The following RNF123 variants were observed in gnomAD, a reference collection of about 807,000 sequenced individuals.
RNF123 encodes the protein ring finger protein 123, also known as E3 ubiquitin-protein ligase RNF123.
Under a neutral mutation model 168.5 loss-of-function variants are expected in RNF123, and 86 were observed. The observed-to-expected ratio is 0.51, with a 90% confidence interval of 0.43 to 0.61. The LOEUF is 0.61. Ranked by LOEUF, RNF123 falls within the 20% of genes least tolerant of loss-of-function variation. RNF123 has a pLI of 0.00. For synonymous variants in RNF123, 666 were observed against 689.1 expected (o/e 0.97, Z 0.52); for missense variants, 1,419 against 1,729.7 (o/e 0.82, Z 3.19).
Position 49,713,405 on chromosome 3 carries a change from TTGGGAG to T in RNF123, c.2675-107_2675-102del. 4 of 1,104,672 alleles carry T rather than the reference TTGGGAG, an allele frequency of 3.6e-6. No homozygotes were observed. In the South Asian group the frequency reaches 4.2e-5, roughly 12 times the overall value. 68.4% of individuals were successfully genotyped at this position (1,104,672 alleles called of 1,614,324 possible). On this transcript the variant is annotated intron_variant, in intron 27 of 38. Transcript: ENST00000327697. ...ATGCCACCCTGGGTCCAGGCTGGCC[TTGGGAG>T]CCAGCTCTAGAGCCTGCTACCCAAG...
Position 49,700,316 on chromosome 3 carries a change from G to A in RNF123, c.1074G>A (p.Val358=). 6.2e-7 allele frequency: 1 copy of A among 1,614,236 alleles called. No homozygotes were observed. Among genetic ancestry groups the A allele is most frequent in the Non-Finnish European group, 8.5e-7 (1 of 1,180,036 alleles). The part of the protein sequence containing the change: ...KGTPTQAQSV[V]HQVLDLLWLF... Reference sequence around the variant, plus strand: ...CACCCACACAGGCACAGTCCGTGGTGCACCAGGTCCTGGACCTCTTGTGGC... The same window carrying A: ...CACCCACACAGGCACAGTCCGTGGTACACCAGGTCCTGGACCTCTTGTGGC... The change falls in exon 13 of 39, where the codon GTG becomes GTA. Residue 358 remains valine, a synonymous_variant. Transcript: ENST00000327697.
intron 7 of RNF123, 59 bp downstream of exon 7, chr3:49,698,196 C>T (rs909707665): frequency 4.1e-6 from 6 of 1,449,270 alleles, no homozygotes; most frequent in Non-Finnish European, 5.8e-6. Flanking sequence ...CTGCCACAGG[C>T]CTCATCAGGT....
Position 49,721,324 on chromosome 3 carries a change from T to C in RNF123, c.*19T>C. The C allele has an allele frequency of 1.2e-6, 2 of 1,614,108 alleles. No homozygotes were observed. The highest frequency in any genetic ancestry group is 1.7e-6 in the Non-Finnish European group (2 of 1,180,012). The stretch of plus-strand genomic sequence containing the variant: ...TGCCTAGCCCTCACAGCCTGTGCCA[T>C]CCTGGAACCTCCACCTTTGAACCCA... On this transcript the variant is annotated 3_prime_UTR_variant, in exon 39 of 39. Transcript: ENST00000327697.
rs1259721335 is a variant in RNF123 at position 49,704,727 on chromosome 3, G to A, written c.1930G>A (p.Asp644Asn). The stretch of plus-strand genomic sequence containing the variant: ...AACCGCCATGGATGACCTAGATGAG[G>A]ATGAGGAGCCAGCCCCAGCTATGGC... ...QSTAMDDLDE[D>N]EEPAPAMAQR... Residue 644 changes from aspartate to asparagine, a missense_variant, in exon 22 of 39, where the codon GAT becomes AAT. By Grantham distance (23) the Asp-to-Asn change is conservative. Transcript: ENST00000327697. 6.3e-7 allele frequency: 1 copy of A among 1,591,478 alleles called. No homozygotes were observed. Among genetic ancestry groups the A allele is most frequent in the African/African-American group, 1.3e-5 (1 of 74,816 alleles).
chr3:49,698,459 A>G lies in RNF123; in HGVS notation c.503A>G (p.His168Arg), dbSNP rs1357975666. The change falls in exon 8 of 39, where the codon CAC (histidine) becomes CGC (arginine). Residue 168 changes from histidine (H) to arginine (R), a missense_variant. Transcript: ENST00000327697. ...CCCTAGGAGGGGGTTGGAGATACAC[A>G]CAACTCCTATGCCTATGATGGCAAC... is the stretch of plus-strand genomic sequence containing the variant. ...FNQEEGVGDTHNSYAYDGNRV... is the reference protein window; with the variant it reads ...FNQEEGVGDTRNSYAYDGNRV... 1 of 1,613,744 alleles carries G rather than the reference A, an allele frequency of 6.2e-7. No individual in the cohort carries two copies. Among genetic ancestry groups the G allele is most frequent in the African/African-American group, 1.3e-5 (1 of 74,914 alleles).
intron 31 of RNF123, 146 bp from the exon 32 acceptor site, chr3:49,715,429 C>T (rs2080219053): frequency 1.0e-6 from 1 of 952,460 alleles, no homozygotes; most frequent in Admixed American, 2.5e-5. Context: ...CAGCTGTCCT[C>T]TGTCCCCTGC....
At chr3:49,720,724 A>AGTC in intron 36 of RNF123, 71 bp downstream of exon 36, 1 of 1,606,204 alleles carries the variant, frequency 6.2e-7, no homozygotes, top group East Asian at 2.2e-5. Flanking sequence ...AGAACAGCAA[A>AGTC]GTCCTAGGCT....
intron 5 of RNF123, among the ~76,000 whole-genome samples, 197 bp from the exon 6 acceptor site, chr3:49,697,688 C>T (rs1042027421): frequency 1.3e-5 from 2 of 152,206 alleles, no homozygotes; most frequent in African/African-American, 4.8e-5. Context: ...GCCCTGAGTC[C>T]CTCTCTCATC....
chr3:49,707,240 C>G (rs1225183040), intron 26 of RNF123, among the ~76,000 whole-genome samples: 1 of 151,406 alleles, frequency 6.6e-6, no homozygotes, highest in Non-Finnish European at 1.5e-5. Flanking sequence ...TTCCCGGAGG[C>G]ACACTCCACC....
In RNF123 at chr3:49,699,549, C is replaced by G. The variant is rs1439852102; in HGVS notation, c.846C>G (p.Phe282Leu). The G allele has an allele frequency of 6.2e-7, 1 of 1,613,192 alleles. No homozygotes were observed. Among genetic ancestry groups the G allele is most frequent in the Non-Finnish European group, 8.5e-7 (1 of 1,179,766 alleles). The change falls in exon 11 of 39, where the codon TTC becomes TTG. Residue 282 changes from phenylalanine (F) to leucine (L), a missense_variant. Phe to Leu is a conservative substitution (Grantham distance 22, BLOSUM62 0). This residue lies in a region of RNF123 where 318 missense variants were observed against 446.6 expected (regional missense o/e 0.71). Coordinates refer to ENST00000327697, the MANE Select transcript of RNF123 (RefSeq NM_022064.5). This position sits in a 1 kb window ranked among gnomAD's most constrained non-coding sequence, Gnocchi z 4.8. ...LVRAQRLLGC[F>L]RAVLSVELDP... ...GGGCACAGAGGTTGCTGGGCTGCTTCCGGGCAGTGCTGAGTGTGGAGCTGG... is the reference window on the plus strand; with the variant it reads ...GGGCACAGAGGTTGCTGGGCTGCTTGCGGGCAGTGCTGAGTGTGGAGCTGG...
At chr3:49,720,978 A>C in intron 37 of RNF123, 42 bp from the exon 38 acceptor site, 1 of 1,608,084 alleles carries the variant, frequency 6.2e-7, no homozygotes, top group Non-Finnish European at 8.5e-7. Flanking sequence ...CCACATAGCC[A>C]GGCATCCAAC....
chr3:49,699,347 C>A lies in RNF123; in HGVS notation c.765-121C>A. 2 of 1,003,652 alleles carry A rather than the reference C, an allele frequency of 2.0e-6. No individual in the cohort carries two copies. The highest frequency in any genetic ancestry group is 3.0e-6 in the Non-Finnish European group (2 of 675,536). 62.2% of individuals were successfully genotyped at this position (1,003,652 alleles called of 1,614,324 possible). A position where few individuals can be genotyped will look rare whatever the true frequency, so the allele number is the denominator to read the frequency against. On this transcript the variant is annotated intron_variant, in intron 10 of 38. Transcript: ENST00000327697. The surrounding 1 kb of genome is among the most constrained non-coding windows in gnomAD (Gnocchi z 4.8). ...ATCCTCCCTAGGGAGAATAAGTGGG[C>A]AAGTTGTGATGCAAACCAGCCCTGC...
intron 3 of RNF123, among the ~76,000 whole-genome samples, chr3:49,695,149 G>A (rs563622409): frequency 2.3e-4 from 35 of 152,208 alleles, no homozygotes; most frequent in Non-Finnish European, 4.0e-4. Flanking sequence ...TTTTGAGACA[G>A]GGTCTCGCTA....
At chr3:49,720,413 TCATGTACGAGC>T in intron 35 of RNF123, 87 bp from the exon 36 acceptor site, 1 of 1,242,770 alleles carries the variant, frequency 8.0e-7, no homozygotes. Flanking sequence ...GGGGGGGTGA[TCATGTACGAGC>T]CATGGCACTC....
intron 27 of RNF123, 88 bp downstream of exon 27, chr3:49,712,744 C>T (rs772077701): frequency 6.9e-7 from 1 of 1,445,702 alleles, no homozygotes; most frequent in Admixed American, 1.7e-5. Flanking sequence ...CTCTGTGGCC[C>T]AGCAACACAC....
rs528435216 is a variant in RNF123 at position 49,703,439 on chromosome 3, C to T, written c.1763C>T (p.Pro588Leu). 41 of 1,613,992 alleles carry T rather than the reference C, an allele frequency of 2.5e-5. No homozygotes were observed. In the South Asian group the frequency reaches 2.6e-4, roughly 10 times the overall value. Reference sequence around the variant, plus strand: ...CAATTCCTCGCAGAGGCCTACATCCCGCCCCAGGTCTTCTATAATGGCAAG... The same window carrying T: ...CAATTCCTCGCAGAGGCCTACATCCTGCCCCAGGTCTTCTATAATGGCAAG... ...HASFSEEAYI[P>L]PQVFYNGKVD... The change falls in exon 21 of 39, where the codon CCG becomes CTG. Residue 588 changes from proline (P) to leucine (L), a missense_variant. Physicochemically the swap from Pro to Leu is moderately conservative, Grantham distance 98. Coordinates refer to ENST00000327697, the MANE Select transcript of RNF123 (RefSeq NM_022064.5).
At position 49,701,581 on chromosome 3, in the gene RNF123, C is replaced by G. The variant is rs755364458; in HGVS notation, c.1368C>G (p.Thr456=). The change falls in exon 16 of 39, where the codon ACC becomes ACG. Residue 456 remains threonine (T), a synonymous_variant. Transcript: ENST00000327697. ...EAGLQELIPT[T]WWPHCSSREG... ...GCCTGCAGGAGCTCATTCCCACCAC[C>G]TGGTGGCCCCACTGCTCCAGTAGGG... 6.2e-7 allele frequency: 1 copy of G among 1,613,454 alleles called. No individual in the cohort carries two copies. Among genetic ancestry groups the G allele is most frequent in the African/African-American group, 1.3e-5 (1 of 74,938 alleles).
Position 49,714,118 on chromosome 3 carries a change from G to C in RNF123, c.2954G>C (p.Arg985Pro). The C allele has an allele frequency of 6.2e-7, 1 of 1,614,066 alleles. No homozygotes were observed. Among genetic ancestry groups the C allele is most frequent in the Non-Finnish European group, 8.5e-7 (1 of 1,180,024 alleles). Residue 985 changes from arginine to proline, a missense_variant, in exon 31 of 39, where the codon CGG becomes CCG. By Grantham distance (103) the Arg-to-Pro change is moderately radical. Coordinates refer to ENST00000327697, the MANE Select transcript of RNF123 (RefSeq NM_022064.5). ...RGCGFGYRYT[R>P]LPHLLKTKLE... Reference sequence around the variant, plus strand: ...TGTGGCTTCGGGTACCGCTATACACGGCTGCCACATCTGCTGAAAACCAAA... The same window carrying C: ...TGTGGCTTCGGGTACCGCTATACACCGCTGCCACATCTGCTGAAAACCAAA...
intron 25 of RNF123, 83 bp from the exon 26 acceptor site, chr3:49,706,708 C>G: frequency 1.7e-6 from 2 of 1,211,500 alleles, no homozygotes; most frequent in Non-Finnish European, 2.4e-6. Context: ...ACTAGAGGGC[C>G]CTTCCTAGGC....
Sources: allele counts gnomAD v4.1 joint callset (sites outside exome capture counted in the v4.1 genomes callset), GRCh38; gene constraint gnomAD v4.1.1; regional missense constraint gnomAD v4.1.1; non-coding constraint Gnocchi (gnomAD v3.1); transcripts MANE v1.5; gene names NCBI Gene and HGNC (gene_info 2026-07-23, HGNC 2026-07-21).